RNF38: variants seen among roughly 807,000 people sequenced by gnomAD.
The protein encoded by RNF38 is ring finger protein 38, also known as E3 ubiquitin-protein ligase RNF38.
In RNF38, 15 loss-of-function variants were observed where a neutral mutation model predicts 67.2. The ratio of observed to expected loss-of-function variants is 0.22; its 90% confidence interval spans 0.15 to 0.34. The LOEUF is 0.34. RNF38 is among the 10% of genes least tolerant of loss of function. The pLI is 1.00. For synonymous variants in RNF38, 220 were observed against 218.8 expected, an observed-to-expected ratio of 1.01 and a Z score of -0.05; for missense variants, 524 against 639.9, an observed-to-expected ratio of 0.82 and a Z score of 1.95.
chr9:36,396,592 C>T (rs955758386), intron 1 of RNF38, among the ~76,000 whole-genome samples: 1 of 152,082 alleles, frequency 6.6e-6, no homozygotes. Context: ...GGATGGCATT[C>T]TTCAAAGCTG....
intron 1 of RNF38, among the ~76,000 whole-genome samples, chr9:36,441,112 GAGAA>G (rs1383550151): frequency 2.0e-5 from 3 of 152,066 alleles, no homozygotes; most frequent in Non-Finnish European, 4.4e-5. Flanking sequence ...AAGAAAAGAT[GAGAA>G]AGAAAAAGCT....
At chr9:36,483,377 ACT>A (rs1453452165) in intron 1 of RNF38, among the ~76,000 whole-genome samples, 4 of 151,866 alleles carry the variant, frequency 2.6e-5, no homozygotes, top group East Asian at 1.9e-4. Context: ...CAAGAGCGAA[ACT>A]CTGTCTCAAA....
chr9:36,427,113 CTG>C (rs1178500457), intron 1 of RNF38, among the ~76,000 whole-genome samples: 1 of 152,222 alleles, frequency 6.6e-6, no homozygotes, highest in Non-Finnish European at 1.5e-5. Flanking sequence ...GATAACATGT[CTG>C]TCTCTCCAGC....
chr9:36,443,255 G>A (rs982192369), intron 1 of RNF38, among the ~76,000 whole-genome samples: 1 of 152,198 alleles, frequency 6.6e-6, no homozygotes, highest in Non-Finnish European at 1.5e-5. Flanking sequence ...GCAACACTGT[G>A]AGCCAGATAA....
chr9:36,461,991 T>C (rs1473331727), intron 1 of RNF38, among the ~76,000 whole-genome samples: 6 of 152,052 alleles, frequency 3.9e-5, no homozygotes, highest in African/African-American at 1.4e-4. Context: ...AACTCAAACA[T>C]GCAGTGACCG....
At chr9:36,398,505 C>T (rs899833263) in intron 1 of RNF38, among the ~76,000 whole-genome samples, 1 of 152,166 alleles carries the variant, frequency 6.6e-6, no homozygotes, top group African/African-American at 2.4e-5. Context: ...TTCTAAATTT[C>T]TCTCATTAAT....
chr9:36,386,169 G>A (rs766554979), intron 2 of RNF38, among the ~76,000 whole-genome samples: 2 of 152,122 alleles, frequency 1.3e-5, no homozygotes, highest in Non-Finnish European at 2.9e-5. Flanking sequence ...AATTACTTTT[G>A]CACCAACCTA....
At chr9:36,379,209 ACTTT>A (rs1352749795) in intron 2 of RNF38, among the ~76,000 whole-genome samples, 1 of 152,158 alleles carries the variant, frequency 6.6e-6, no homozygotes, top group African/African-American at 2.4e-5. Context: ...CAATAAGTTT[ACTTT>A]CTAACTCAAA....
chr9:36,480,055 T>C (rs1038751182), intron 1 of RNF38, among the ~76,000 whole-genome samples: 15 of 152,164 alleles, frequency 9.9e-5, no homozygotes, highest in African/African-American at 3.4e-4. Flanking sequence ...TTCGGCTTAC[T>C]GCAAGCTACA....
At chr9:36,422,005 G>A (rs1429638770) in intron 2 of RNF38, among the ~76,000 whole-genome samples, 2 of 152,138 alleles carry the variant, frequency 1.3e-5, no homozygotes, top group Admixed American at 6.5e-5. Context: ...GCTGAGTTGG[G>A]TGGATCACTT....
In RNF38 at chr9:36,338,507, T is replaced by TGAAG. The variant is rs530864871; in HGVS notation, c.*1241_*1244dup. The stretch of plus-strand genomic sequence containing the variant: ...GGGTTTCGATGAGAAGCACGTGTGA[T>TGAAG]GAAGGAAGAACTAGACAACTTTCAG... On this transcript the variant is annotated 3_prime_UTR_variant, in exon 12 of 12. Coordinates refer to ENST00000259605, the MANE Select transcript of RNF38 (RefSeq NM_022781.5). 2 of 152,232 alleles carry TGAAG rather than the reference T, an allele frequency of 1.3e-5. No homozygotes were observed. The highest frequency in any genetic ancestry group is 2.9e-5 in the Non-Finnish European group (2 of 68,030). The allele number at this position is 152,232 out of a possible 1,614,324, so 9.4% of individuals were successfully genotyped here. A position where few individuals can be genotyped will look rare whatever the true frequency, so the allele number is the denominator to read the frequency against.
chr9:36,406,739 C>T (rs545848948), intron 2 of RNF38, among the ~76,000 whole-genome samples: 1 of 152,268 alleles, frequency 6.6e-6, no homozygotes, highest in Middle Eastern at 3.4e-3. Context: ...CAACAGAAAG[C>T]GGGCAGTGAA....
intron 1 of RNF38, among the ~76,000 whole-genome samples, chr9:36,429,331 G>A (rs779865079): frequency 6.6e-5 from 10 of 152,060 alleles, no homozygotes; most frequent in African/African-American, 1.2e-4. Context: ...TGGTCCTCTC[G>A]TATCTGTGGG....
chr9:36,392,996 C>T (rs547426944), intron 1 of RNF38, among the ~76,000 whole-genome samples: 1 of 152,168 alleles, frequency 6.6e-6, no homozygotes, highest in Admixed American at 6.5e-5. Flanking sequence ...CTAAGGAGGG[C>T]TTTTGCCACT....
Position 36,416,742 on chromosome 9 carries a change from ATTTTTTTT to A in RNF38, n.312+7863_312+7870del, listed in dbSNP as rs386414907. ...GGCTCCTTCTTGCTGCTGCCTCGAT[ATTTTTTTT>A]TTTTTTTTTTTTTTTTTTTTGAGAC... On this transcript the variant is annotated intron_variant and non_coding_transcript_variant, in intron 2 of 3. Transcript: ENST00000488058. Among the ~76,000 whole-genome samples, 122 of 63,498 alleles carry A rather than the reference ATTTTTTTT, an allele frequency of 1.9e-3. 2 individuals are homozygous for A. In the South Asian group the frequency reaches 0.054, roughly 28 times the overall value. The allele number at this position is 63,498 out of a possible 152,430, so 41.7% of individuals were successfully genotyped here. A position where few individuals can be genotyped will look rare whatever the true frequency, so the allele number is the denominator to read the frequency against.
intron 1 of RNF38, among the ~76,000 whole-genome samples, chr9:36,451,952 C>A (rs1225474064): frequency 6.6e-6 from 1 of 152,112 alleles, no homozygotes; most frequent in Non-Finnish European, 1.5e-5. Context: ...CGCGGTGGCT[C>A]ACCCCTGTAA....
At position 36,337,533 on chromosome 9, in the gene RNF38, A is replaced by G. The variant is rs542543231; in HGVS notation, c.*2219T>C. On this transcript the variant is annotated 3_prime_UTR_variant, in exon 12 of 12. Coordinates refer to ENST00000259605, the MANE Select transcript of RNF38 (RefSeq NM_022781.5). Reference sequence around the variant, plus strand: ...CTATATAAATTAGAAAAAGTGCTTTACTTGCATGCTTCAATAAAATGAATA... The same window carrying G: ...CTATATAAATTAGAAAAAGTGCTTTGCTTGCATGCTTCAATAAAATGAATA... 6.5e-6 allele frequency: 1 copy of G among 152,814 alleles called. No homozygotes were observed. The highest frequency in any genetic ancestry group is 1.5e-5 in the Non-Finnish European group (1 of 68,034). The allele number at this position is 152,814 out of a possible 1,614,324, so 9.5% of individuals were successfully genotyped here. A position where few individuals can be genotyped will look rare whatever the true frequency, so the allele number is the denominator to read the frequency against.
intron 3 of RNF38, chr9:36,372,484 C>T (rs765421031): frequency 4.9e-5 from 34 of 695,924 alleles, no homozygotes; most frequent in Non-Finnish European, 7.2e-5. Flanking sequence ...AAATACCTAG[C>T]TTTGTGCTCA....
At chr9:36,459,801 C>T (rs1464045102) in intron 1 of RNF38, among the ~76,000 whole-genome samples, 1 of 151,784 alleles carries the variant, frequency 6.6e-6, no homozygotes, top group Non-Finnish European at 1.5e-5. Flanking sequence ...ATGTACAATA[C>T]TGAAAATCAG....
Sources: gnomAD v4.1 joint callset for allele counts (sites outside exome capture counted in the v4.1 genomes callset) on GRCh38, gnomAD v4.1.1 for gene constraint, MANE v1.5 for transcripts, NCBI Gene and HGNC (gene_info 2026-07-23, HGNC 2026-07-21) for gene names.